TNFSF4: variants seen among roughly 807,000 people sequenced by gnomAD.
TNFSF4 encodes TNF superfamily member 4, also known as tumor necrosis factor ligand superfamily member 4.
TNFSF4 carries 4 observed loss-of-function variants against 7.3 expected under a neutral mutation model. The observed-to-expected ratio is 0.55, with a 90% CI of 0.27 to 1.25. The LOEUF (loss-of-function observed/expected upper bound fraction) is 1.25. TNFSF4 is among the 50% of genes most tolerant of loss of function. TNFSF4 has a pLI of 0.12. For missense variants in TNFSF4, 181 were observed against 208.8 expected, an observed-to-expected ratio of 0.87 and a Z score of 0.82; for synonymous variants, 76 against 83.7, an observed-to-expected ratio of 0.91 and a Z score of 0.50.
At chr1:173,395,044 TA>T in the TNFSF4 span, among the ~76,000 whole-genome samples, 4,105 of 113,060 alleles carry the variant, frequency 0.036, 70 homozygotes, top group Middle Eastern at 0.082. Flanking sequence ...AGATGATAGA[TA>T]GATAGATAGA....
the TNFSF4 span, among the ~76,000 whole-genome samples, chr1:173,396,342 T>C: frequency 6.6e-6 from 1 of 152,056 alleles, no homozygotes. Context: ...AGACCCCATC[T>C]CTATGAAAAA....
At chr1:173,222,941 A>G in the TNFSF4 span, among the ~76,000 whole-genome samples, 1 of 152,180 alleles carries the variant, frequency 6.6e-6, no homozygotes, top group African/African-American at 2.4e-5. Context: ...ATCCTTGACA[A>G]GGCTTTCTCC....
At chr1:173,210,732 G>A (rs967259675), upstream of TNFSF4, among the ~76,000 whole-genome samples, 1 of 152,060 alleles carries the variant, frequency 6.6e-6, no homozygotes, top group South Asian at 2.1e-4. Context: ...TTCTAGGGGG[G>A]GGAAAAGAGA....
At chr1:173,319,920 A>G in the TNFSF4 span, among the ~76,000 whole-genome samples, 1 of 152,210 alleles carries the variant, frequency 6.6e-6, no homozygotes, top group East Asian at 1.9e-4. Context: ...AAAACGCTAA[A>G]AATTCCAAAA....
At chr1:173,268,724 T>C in the TNFSF4 span, among the ~76,000 whole-genome samples, 1 of 152,076 alleles carries the variant, frequency 6.6e-6, no homozygotes, top group African/African-American at 2.4e-5. Context: ...AATCCAGCTA[T>C]ATACTGTCTA....
chr1:173,212,671 A>G, the TNFSF4 span, among the ~76,000 whole-genome samples: 1 of 152,052 alleles, frequency 6.6e-6, no homozygotes, highest in Non-Finnish European at 1.5e-5. Flanking sequence ...ATATTTTTAA[A>G]TAAGTTAAAG....
the TNFSF4 span, among the ~76,000 whole-genome samples, chr1:173,282,946 A>G: frequency 6.6e-6 from 1 of 152,246 alleles, no homozygotes; most frequent in Non-Finnish European, 1.5e-5. Context: ...CTTTAACTTA[A>G]AAGAAGCTCA....
At chr1:173,243,009 G>GGC in the TNFSF4 span, among the ~76,000 whole-genome samples, 2 of 116,788 alleles carry the variant, frequency 1.7e-5, no homozygotes, top group African/African-American at 3.2e-5. Flanking sequence ...GTGGGTGGGG[G>GGC]GGGGGGGGGA....
At chr1:173,352,406 C>G in the TNFSF4 span, among the ~76,000 whole-genome samples, 1 of 152,154 alleles carries the variant, frequency 6.6e-6, no homozygotes, top group Admixed American at 6.5e-5. Flanking sequence ...AAGTGTCAGC[C>G]AGTCTTACAA....
the TNFSF4 span, among the ~76,000 whole-genome samples, chr1:173,449,215 G>A: frequency 1.3e-5 from 2 of 152,140 alleles, no homozygotes; most frequent in Non-Finnish European, 2.9e-5. Flanking sequence ...TGCCATGATT[G>A]TAAGCTTCCT....
At chr1:173,218,852 A>G in the TNFSF4 span, among the ~76,000 whole-genome samples, 1 of 152,230 alleles carries the variant, frequency 6.6e-6, no homozygotes, top group South Asian at 2.1e-4. Context: ...TATATGTAAT[A>G]GATTACATAC....
the TNFSF4 span, among the ~76,000 whole-genome samples, chr1:173,428,782 A>C: frequency 8.5e-5 from 13 of 152,320 alleles, no homozygotes; most frequent in Admixed American, 7.8e-4. Flanking sequence ...AGGCAGGAGG[A>C]TCACCTGAGG....
chr1:173,322,466 C>T, the TNFSF4 span, among the ~76,000 whole-genome samples: 2 of 152,116 alleles, frequency 1.3e-5, no homozygotes, highest in Non-Finnish European at 2.9e-5. Flanking sequence ...ATGAGCAATA[C>T]AGAAGACGGT....
chr1:173,222,335 C>T, the TNFSF4 span, among the ~76,000 whole-genome samples: 15 of 152,106 alleles, frequency 9.9e-5, no homozygotes, highest in East Asian at 7.7e-4. Context: ...TTCACCAAAA[C>T]GGTCTGAAAT....
At chr1:173,349,448 A>C in the TNFSF4 span, among the ~76,000 whole-genome samples, 6 of 152,220 alleles carry the variant, frequency 3.9e-5, no homozygotes, top group South Asian at 6.2e-4. Context: ...ATATAGTATA[A>C]GTATACTATA....
the TNFSF4 span, among the ~76,000 whole-genome samples, chr1:173,275,668 A>C: frequency 5.3e-5 from 8 of 152,158 alleles, no homozygotes; most frequent in African/African-American, 9.7e-5. Flanking sequence ...GCCGGCTTTC[A>C]CACAATTATA....
chr1:173,357,458 G>T, the TNFSF4 span, among the ~76,000 whole-genome samples: 1 of 152,102 alleles, frequency 6.6e-6, no homozygotes, highest in Non-Finnish European at 1.5e-5. Flanking sequence ...TGAGAACCAG[G>T]AGAATTTAAA....
the TNFSF4 span, among the ~76,000 whole-genome samples, chr1:173,419,389 C>CCTG: frequency 6.6e-6 from 1 of 151,882 alleles, no homozygotes; most frequent in African/African-American, 2.4e-5. Context: ...AGCGGACAAG[C>CCTG]CTGCTCTTGC....
the TNFSF4 span, among the ~76,000 whole-genome samples, chr1:173,267,216 A>G: frequency 0.29 from 44,200 of 152,072 alleles, 6,550 homozygotes; most frequent in East Asian, 0.37. Flanking sequence ...AGTAACACCC[A>G]TTCTTTCTGC....
Sources: allele counts gnomAD v4.1 joint callset (sites outside exome capture counted in the v4.1 genomes callset), GRCh38; gene constraint gnomAD v4.1.1; transcripts MANE v1.5; gene names NCBI Gene and HGNC (gene_info 2026-07-23, HGNC 2026-07-21).